The following CALN1 variants were observed in gnomAD, a reference collection of about 807,000 sequenced individuals.
The protein encoded by CALN1 is calneuron 1, also known as calcium-binding protein 8.
CALN1 carries 17 observed loss-of-function variants against 30.6 expected under a neutral mutation model. The ratio of observed to expected loss-of-function variants is 0.56; its 90% confidence interval spans 0.38 to 0.83. The LOEUF is 0.83. Ranked by LOEUF, CALN1 falls within the 40% of genes least tolerant of loss-of-function variation. The pLI is 0.00. For missense variants in CALN1, 291 were observed against 354.9 expected, an observed-to-expected ratio of 0.82 and a Z score of 1.45; for synonymous variants, 156 against 131.4, an observed-to-expected ratio of 1.19 and a Z score of -1.28.
the CALN1 span, among the ~76,000 whole-genome samples, chr7:72,477,409 TC>T: frequency 6.6e-6 from 1 of 152,010 alleles, no homozygotes; most frequent in African/African-American, 2.4e-5. Context: ...CGCCACCTTC[TC>T]CTTACCCCTT....
intron 3 of CALN1, among the ~76,000 whole-genome samples, chr7:72,115,857 T>C (rs1807948683): frequency 6.6e-6 from 1 of 151,974 alleles, no homozygotes; most frequent in Admixed American, 6.6e-5. Flanking sequence ...ACCAGCAACC[T>C]ACTCTCTATT....
At chr7:71,787,980 A>G in intron 6 of CALN1, 78 bp from the exon 7 acceptor site, 1 of 1,591,894 alleles carries the variant, frequency 6.3e-7, no homozygotes, top group Admixed American at 1.7e-5. Flanking sequence ...ACACAGTGAG[A>G]TAGGTTGCAA....
chr7:71,791,235 A>G (rs965640628), intron 6 of CALN1, among the ~76,000 whole-genome samples: 6 of 152,160 alleles, frequency 3.9e-5, no homozygotes, highest in Admixed American at 2.0e-4. Flanking sequence ...CCTTTATCCA[A>G]TCTACCATTG....
chr7:71,969,347 T>C (rs1376842578), intron 5 of CALN1, among the ~76,000 whole-genome samples: 1 of 152,186 alleles, frequency 6.6e-6, no homozygotes, highest in Non-Finnish European at 1.5e-5. Context: ...CTTTCCTACT[T>C]TCATTTGCCT....
At chr7:72,117,175 G>C (rs750568840) in intron 3 of CALN1, among the ~76,000 whole-genome samples, 1 of 152,076 alleles carries the variant, frequency 6.6e-6, no homozygotes, top group Non-Finnish European at 1.5e-5. Context: ...AAATTAACCA[G>C]GTGTATTGGT....
chr7:72,309,048 T>A (rs893972626), intron 2 of CALN1, among the ~76,000 whole-genome samples: 1 of 152,174 alleles, frequency 6.6e-6, no homozygotes, highest in Non-Finnish European at 1.5e-5. Flanking sequence ...CACAGGCCAA[T>A]TAAATAACTG....
chr7:72,442,149 T>C (rs913790473), intron 1 of CALN1, among the ~76,000 whole-genome samples: 17 of 152,236 alleles, frequency 1.1e-4, no homozygotes, highest in African/African-American at 2.9e-4. Flanking sequence ...CAGACCTCCA[T>C]TGGTACCCCA....
intron 2 of CALN1, among the ~76,000 whole-genome samples, chr7:72,374,579 GA>G (rs1212942735): frequency 1.5e-5 from 2 of 132,322 alleles, no homozygotes; most frequent in East Asian, 4.3e-4. Flanking sequence ...CAGAAAACTA[GA>G]AATACAAAGG....
At chr7:72,317,252 GA>G (rs1467263917) in intron 2 of CALN1, among the ~76,000 whole-genome samples, 1 of 116,230 alleles carries the variant, frequency 8.6e-6, no homozygotes, top group African/African-American at 3.3e-5. Flanking sequence ...GAAGGAGAGA[GA>G]AGGGGGGGAC....
chr7:71,914,469 G>C (rs1043243386), intron 5 of CALN1, among the ~76,000 whole-genome samples: 1 of 152,108 alleles, frequency 6.6e-6, no homozygotes, highest in African/African-American at 2.4e-5. Context: ...TTTAGATTGA[G>C]TCTGTGTCTT....
At chr7:72,420,542 T>A (rs1378003884) in intron 1 of CALN1, among the ~76,000 whole-genome samples, 1 of 151,628 alleles carries the variant, frequency 6.6e-6, no homozygotes, top group Non-Finnish European at 1.5e-5. Flanking sequence ...ATCACCTTTT[T>A]AAAAAATTCC....
At chr7:72,427,082 A>G (rs1223468363) in intron 1 of CALN1, among the ~76,000 whole-genome samples, 1 of 152,180 alleles carries the variant, frequency 6.6e-6, no homozygotes, top group Non-Finnish European at 1.5e-5. Context: ...TTCTGGGATC[A>G]AGTGATCCTC....
intron 5 of CALN1, among the ~76,000 whole-genome samples, chr7:72,009,807 AC>A (rs1361325744): frequency 8.5e-5 from 13 of 152,092 alleles, no homozygotes; most frequent in Non-Finnish European, 1.9e-4. Flanking sequence ...CATGCCTTTC[AC>A]CTTCTGCCAT....
chr7:71,858,241 A>T (rs756209962), intron 5 of CALN1, among the ~76,000 whole-genome samples: 2 of 152,134 alleles, frequency 1.3e-5, no homozygotes, highest in Admixed American at 1.3e-4. Context: ...TCCTGCTGTC[A>T]CGTGAAGAAG....
At chr7:72,210,415 C>T (rs1437525130) in intron 3 of CALN1, among the ~76,000 whole-genome samples, 1 of 152,064 alleles carries the variant, frequency 6.6e-6, no homozygotes, top group Non-Finnish European at 1.5e-5. Context: ...ACCTGTAACC[C>T]CAGCACTTTG....
chr7:71,937,264 C>T (rs942482078), intron 5 of CALN1, among the ~76,000 whole-genome samples: 4 of 151,790 alleles, frequency 2.6e-5, no homozygotes, highest in African/African-American at 4.8e-5. Context: ...GAGCTGAGAT[C>T]GTACCATTGC....
intron 3 of CALN1, among the ~76,000 whole-genome samples, chr7:72,269,874 G>A (rs907059025): frequency 1.3e-5 from 2 of 152,176 alleles, no homozygotes; most frequent in Admixed American, 6.5e-5. Flanking sequence ...CTAGAGCCTT[G>A]ATGTTGGATT....
upstream of CALN1, chr7:72,412,482 T>C (rs1313538228): frequency 1.3e-5 from 2 of 152,140 alleles, no homozygotes; most frequent in African/African-American, 4.8e-5. Flanking sequence ...TTGGTCCATT[T>C]TTACAGAATG....
At chr7:72,227,140 G>A (rs956250445) in intron 3 of CALN1, among the ~76,000 whole-genome samples, 1 of 151,930 alleles carries the variant, frequency 6.6e-6, no homozygotes, top group African/African-American at 2.4e-5. Context: ...CTCGCTACCT[G>A]GGCGACAGTT....
Sources: gnomAD v4.1 joint callset for allele counts (sites outside exome capture counted in the v4.1 genomes callset) on GRCh38, gnomAD v4.1.1 for gene constraint, MANE v1.5 for transcripts, NCBI Gene and HGNC (gene_info 2026-07-23, HGNC 2026-07-21) for gene names.